Variants in SPATA45 observed in about 807,000 individuals in gnomAD.
The protein encoded by SPATA45 is spermatogenesis-associated protein 45.
In SPATA45, 5 loss-of-function variants were observed where a neutral mutation model predicts 7.0. The observed-to-expected ratio is 0.71, with a 90% CI of 0.37 to 1.50. SPATA45 has a LOEUF of 1.50. SPATA45 is among the 40% of genes most tolerant of loss of function. SPATA45 has a pLI of 0.03. For missense variants in SPATA45, 111 were observed against 114.9 expected (o/e 0.97, Z 0.16); for synonymous variants, 40 against 38.7 (o/e 1.03, Z -0.13).
chr1:212,845,416 AG>A (rs1485980035), intron 1 of SPATA45, among the ~76,000 whole-genome samples: 1 of 152,194 alleles, frequency 6.6e-6, no homozygotes. Context: ...CCTTTCCCTC[AG>A]GGTCTGAGAA....
At position 212,835,982 on chromosome 1, in the gene SPATA45, C is replaced by T. The variant is rs2102509473; in HGVS notation, c.168G>A (p.Gln56=). ...VQKRHFPDAY[Q]SFTDTTTKEP... The stretch of plus-strand genomic sequence containing the variant: ...CTTTGGTTGTGGTATCAGTAAAGGA[C>T]TGATAGGCATCCGGGAAGTGCCTCT... Residue 56 remains glutamine, a synonymous_variant, in exon 2 of 3, where the codon CAG becomes CAA. Coordinates refer to ENST00000332912, the MANE Select transcript of SPATA45 (RefSeq NM_001024601.3). 6.2e-7 allele frequency: 1 copy of T among 1,610,996 alleles called. No individual in the cohort carries two copies. Among genetic ancestry groups the T allele is most frequent in the East Asian group, 2.2e-5 (1 of 44,832 alleles).
chr1:212,846,751 C>T (rs571474913), intron 1 of SPATA45, among the ~76,000 whole-genome samples: 1 of 152,338 alleles, frequency 6.6e-6, no homozygotes, highest in East Asian at 1.9e-4. Context: ...AAATAAACAG[C>T]CTTGTTGCTC....
In SPATA45 at chr1:212,835,879, G is replaced by A. The variant is rs1663576139; in HGVS notation, c.271C>T (p.Pro91Ser). 2 of 1,579,214 alleles carry A rather than the reference G, an allele frequency of 1.3e-6. No homozygotes were observed. The highest frequency in any genetic ancestry group is 4.5e-5 in the East Asian group (2 of 44,656). Reference protein sequence around the residue: ...LAHMERKHFPPKNNAIFG With the variant: ...LAHMERKHFPSKNNAIFG ...TCCTATGATAACTTCTTACTTTTTGGTGGAAAGTGCTTTCTCTCCATGTGA... is the reference window on the plus strand; with the variant it reads ...TCCTATGATAACTTCTTACTTTTTGATGGAAAGTGCTTTCTCTCCATGTGA... Residue 91 changes from proline (P) to serine (S), a missense_variant, in exon 2 of 3, where the codon CCA becomes TCA. Transcript: ENST00000332912.
At chr1:212,832,922 G>A (rs1347239254) in intron 2 of SPATA45, among the ~76,000 whole-genome samples, 1 of 151,488 alleles carries the variant, frequency 6.6e-6, no homozygotes, top group Non-Finnish European at 1.5e-5. Flanking sequence ...CCTAATTTGT[G>A]CCAGACACTG....
chr1:212,835,766 G>C, intron 2 of SPATA45, 107 bp downstream of exon 2: 1 of 986,190 alleles, frequency 1.0e-6, no homozygotes, highest in Non-Finnish European at 1.4e-6. Flanking sequence ...AACCCGGGAG[G>C]TGGAGGTTGC....
At chr1:212,838,210 CAGG>C (rs1388093894) in intron 1 of SPATA45, among the ~76,000 whole-genome samples, 1 of 150,760 alleles carries the variant, frequency 6.6e-6, no homozygotes, top group African/African-American at 2.4e-5. Context: ...GAGGCTGAGG[CAGG>C]AGAATTGTTT....
chr1:212,831,561 T>C (rs1487637551), intron 2 of SPATA45, among the ~76,000 whole-genome samples: 1 of 151,112 alleles, frequency 6.6e-6, no homozygotes, highest in Non-Finnish European at 1.5e-5. Flanking sequence ...TTTTTAATTC[T>C]ATATATTTAA....
At chr1:212,842,180 C>T (rs1663699863) in intron 1 of SPATA45, among the ~76,000 whole-genome samples, 1 of 151,126 alleles carries the variant, frequency 6.6e-6, no homozygotes, top group African/African-American at 2.4e-5. Flanking sequence ...GGGTTCGAGA[C>T]CAGCCTGGCC....
At chr1:212,840,300 C>T (rs1663656798) in intron 1 of SPATA45, among the ~76,000 whole-genome samples, 1 of 145,074 alleles carries the variant, frequency 6.9e-6, no homozygotes, top group South Asian at 2.3e-4. Context: ...ATCCCAGCTA[C>T]TTGGAAGGCT....
chr1:212,837,634 A>AAAAAT (rs1188906745), intron 1 of SPATA45, among the ~76,000 whole-genome samples: 1 of 151,390 alleles, frequency 6.6e-6, no homozygotes, highest in African/African-American at 2.4e-5. Context: ...CTCTGTCTCA[A>AAAAAT]AAAATAAAAT....
intron 1 of SPATA45, among the ~76,000 whole-genome samples, chr1:212,839,922 A>G (rs991431430): frequency 2.0e-5 from 3 of 151,682 alleles, no homozygotes; most frequent in Admixed American, 6.6e-5. Context: ...TGCCTAATGA[A>G]TATCAGGTGG....
rs772493823 is a variant in SPATA45, at chr1:212,836,109, T to C, written c.41A>G (p.His14Arg). The change falls in exon 2 of 3, where the codon CAT becomes CGT. Residue 14 changes from histidine (H) to arginine (R), a missense_variant. Coordinates refer to ENST00000332912, the MANE Select transcript of SPATA45 (RefSeq NM_001024601.3). ...CAGGAGATGTTGTTTGCTTACTCCATGTTTTTTCATTATTTCAATGGTTCT... is the reference window on the plus strand; with the variant it reads ...CAGGAGATGTTGTTTGCTTACTCCACGTTTTTTCATTATTTCAATGGTTCT... ...INRTIEIMKKHGVSKQHLLEE... is the reference protein window; with the variant it reads ...INRTIEIMKKRGVSKQHLLEE... The C allele has an allele frequency of 4.4e-6, 7 of 1,606,652 alleles. No homozygotes were observed. The highest frequency in any genetic ancestry group is 1.3e-5 in the African/African-American group (1 of 74,904).
intron 1 of SPATA45, among the ~76,000 whole-genome samples, chr1:212,844,889 A>G (rs1663761176): frequency 6.6e-6 from 1 of 152,202 alleles, no homozygotes; most frequent in African/African-American, 2.4e-5. Context: ...ACCAAAAGGC[A>G]TCAGATCCCA....
intron 2 of SPATA45, among the ~76,000 whole-genome samples, chr1:212,831,881 T>C (rs1012742469): frequency 6.6e-6 from 1 of 151,180 alleles, no homozygotes. Flanking sequence ...CCTCATGCCC[T>C]GGATAGTAAT....
At position 212,836,038 on chromosome 1, in the gene SPATA45, T is replaced by G. The variant is rs1171760210; in HGVS notation, c.112A>C (p.Ser38Arg). The G allele has an allele frequency of 6.2e-7, 1 of 1,611,338 alleles. No homozygotes were observed. Among genetic ancestry groups the G allele is most frequent in the South Asian group, 1.1e-5 (1 of 90,782 alleles). The stretch of plus-strand genomic sequence containing the variant: ...ACTCTCAGTAAGCTGACTTGATTGC[T>G]TCGTTCCACCAAGCAGTTGGATTCA... ...KRESNCLVERSNQVSLLRVQK... is the reference protein window; with the variant it reads ...KRESNCLVERRNQVSLLRVQK... Residue 38 changes from serine to arginine, a missense_variant, in exon 2 of 3, where the codon AGC becomes CGC. Coordinates refer to ENST00000332912, the MANE Select transcript of SPATA45 (RefSeq NM_001024601.3).
intron 2 of SPATA45, among the ~76,000 whole-genome samples, chr1:212,834,000 C>T (rs894390063): frequency 7.2e-5 from 11 of 151,752 alleles, no homozygotes; most frequent in Middle Eastern, 3.4e-3. Context: ...CCGCCCACCT[C>T]GGCCTCCCAA....
chr1:212,835,992 T>C lies in SPATA45; in HGVS notation c.158A>G (p.Asp53Gly), dbSNP rs1663577796. Residue 53 changes from aspartate to glycine, a missense_variant, in exon 2 of 3, where the codon GAT becomes GGT. Physicochemically the swap from Asp to Gly is moderately conservative, Grantham distance 94 (BLOSUM62 -1). Coordinates refer to ENST00000332912, the MANE Select transcript of SPATA45 (RefSeq NM_001024601.3). ...LLRVQKRHFP[D>G]AYQSFTDTTT... ...GGTATCAGTAAAGGACTGATAGGCA[T>C]CCGGGAAGTGCCTCTTTTGAACTCT... The C allele has an allele frequency of 1.2e-6, 2 of 1,611,252 alleles. No individual in the cohort carries two copies. Among genetic ancestry groups the C allele is most frequent in the Non-Finnish European group, 1.7e-6 (2 of 1,177,810 alleles).
chr1:212,834,598 G>A (rs1280924477), intron 2 of SPATA45, among the ~76,000 whole-genome samples: 2 of 151,270 alleles, frequency 1.3e-5, no homozygotes, highest in South Asian at 2.1e-4. Context: ...CTAAAGGTGC[G>A]TGCCACCACG....
At chr1:212,839,046 C>T (rs1663634680) in intron 1 of SPATA45, among the ~76,000 whole-genome samples, 1 of 150,380 alleles carries the variant, frequency 6.6e-6, no homozygotes, top group South Asian at 2.1e-4. Flanking sequence ...TTCTAACAAC[C>T]CAAATGTCCA....
Sources: gnomAD v4.1 joint callset for allele counts (sites outside exome capture counted in the v4.1 genomes callset) on GRCh38, gnomAD v4.1.1 for gene constraint, MANE v1.5 for transcripts, NCBI Gene and HGNC (gene_info 2026-07-23, HGNC 2026-07-21) for gene names.